GLIS3: variants seen among roughly 807,000 people sequenced by gnomAD.
GLIS3 encodes the protein zinc finger protein GLIS3.
A neutral mutation model predicts 78.6 loss-of-function variants in GLIS3; 53 were observed. The observed-to-expected ratio is 0.67, with a 90% confidence interval of 0.54 to 0.85. The LOEUF (loss-of-function observed/expected upper bound fraction) is 0.85. GLIS3 is among the 40% of genes least tolerant of loss of function. The probability of loss-of-function intolerance (pLI) is 0.00; values close to 1 mark genes in which losing one functional copy is unlikely to be tolerated. For synonymous variants in GLIS3, 684 were observed against 509.9 expected, an observed-to-expected ratio of 1.34 and a Z score of -4.60; for missense variants, 1,703 against 1,231.1, an observed-to-expected ratio of 1.38 and a Z score of -5.74.
intron 4 of GLIS3, among the ~76,000 whole-genome samples, chr9:3,971,982 T>C (rs1326961844): frequency 1.3e-5 from 2 of 152,142 alleles, no homozygotes; most frequent in Non-Finnish European, 2.9e-5. Flanking sequence ...AAGATCCCGC[T>C]ATTTGTGGTC....
intron 2 of GLIS3, among the ~76,000 whole-genome samples, chr9:4,265,172 A>AG (rs367814591): frequency 6.6e-5 from 5 of 75,764 alleles, no homozygotes; most frequent in Non-Finnish European, 2.9e-5. Flanking sequence ...ACGCCGTCTC[A>AG]AAAAAAAAAA....
At chr9:4,459,542 T>C in the GLIS3 span, among the ~76,000 whole-genome samples, 1 of 152,144 alleles carries the variant, frequency 6.6e-6, no homozygotes, top group African/African-American at 2.4e-5. Flanking sequence ...GATGGGAGGA[T>C]CACTTAAGCC....
chr9:4,180,479 T>C (rs549554144), intron 2 of GLIS3, among the ~76,000 whole-genome samples: 2 of 152,280 alleles, frequency 1.3e-5, no homozygotes, highest in South Asian at 2.1e-4. Flanking sequence ...TACGGCTATT[T>C]TGGGATTAAA....
At chr9:4,159,957 A>G (rs1003685401) in intron 2 of GLIS3, among the ~76,000 whole-genome samples, 3 of 152,186 alleles carry the variant, frequency 2.0e-5, no homozygotes, top group African/African-American at 7.2e-5. Flanking sequence ...GTAAGAGACA[A>G]CCAAGAATGA....
chr9:4,287,021 G>T (rs6476834), intron 1 of GLIS3, among the ~76,000 whole-genome samples: 140,560 of 152,248 alleles, frequency 0.92, 65,490 homozygotes, highest in Non-Finnish European at 0.98. Flanking sequence ...GAGCTATCTT[G>T]TCACAGTCCC....
intron 2 of GLIS3, among the ~76,000 whole-genome samples, chr9:4,243,996 C>T (rs953160984): frequency 6.6e-6 from 1 of 152,172 alleles, no homozygotes; most frequent in African/African-American, 2.4e-5. Flanking sequence ...CTGGCCATTC[C>T]CTGCCTTCTC....
chr9:3,884,616 G>A (rs922208900), intron 7 of GLIS3, among the ~76,000 whole-genome samples: 1 of 152,106 alleles, frequency 6.6e-6, no homozygotes, highest in African/African-American at 2.4e-5. Flanking sequence ...TCTTCTTGCT[G>A]CCCCTTGATA....
the GLIS3 span, among the ~76,000 whole-genome samples, chr9:4,364,756 C>CTTTTTTTTTTTTTTTTTTTTT: frequency 1.1e-4 from 7 of 61,080 alleles, 1 homozygote; most frequent in East Asian, 1.2e-3. Flanking sequence ...TCATGTATTG[C>CTTTTTTTTTTTTTTTTTTTTT]TTTTTTTTTT....
chr9:4,200,499 C>A (rs533285355), intron 2 of GLIS3, among the ~76,000 whole-genome samples: 1 of 152,174 alleles, frequency 6.6e-6, no homozygotes, highest in Admixed American at 6.5e-5. Flanking sequence ...CAAAGAAACA[C>A]AAAGGATCTT....
chr9:4,134,911 C>T (rs1833284043), intron 2 of GLIS3, among the ~76,000 whole-genome samples: 1 of 152,134 alleles, frequency 6.6e-6, no homozygotes, highest in Non-Finnish European at 1.5e-5. Context: ...GAAGGCTTGT[C>T]CTGAAAGAGC....
In GLIS3 at chr9:4,320,664, C is replaced by G. The variant is rs527729610; in HGVS notation, n.265-10136G>C. 6.6e-5 allele frequency among the ~76,000 whole-genome samples: 10 copies of G among 152,168 alleles called. No homozygotes were observed. In the South Asian group the frequency reaches 2.1e-3, roughly 32 times the overall value. ...TCATTACTGTTGCCACCATCACTACCTCCATCATCACCACCGCCATCACCA... is the reference window on the plus strand; with the variant it reads ...TCATTACTGTTGCCACCATCACTACGTCCATCATCACCACCGCCATCACCA... On this transcript the variant is annotated intron_variant and non_coding_transcript_variant, in intron 2 of 4. Coordinates refer to the GLIS3 transcript ENST00000471664.
intron 2 of GLIS3, among the ~76,000 whole-genome samples, chr9:4,218,612 G>A (rs1042921445): frequency 2.0e-5 from 3 of 152,136 alleles, no homozygotes; most frequent in African/African-American, 7.2e-5. Context: ...TGTTCTATAT[G>A]TTACTGTCCA....
At chr9:4,050,368 G>A (rs536515668) in intron 4 of GLIS3, among the ~76,000 whole-genome samples, 7 of 152,092 alleles carry the variant, frequency 4.6e-5, no homozygotes, top group African/African-American at 7.2e-5. Context: ...AACACCGCAT[G>A]TTCTCACTCA....
chr9:4,384,762 G>C, the GLIS3 span, among the ~76,000 whole-genome samples: 1 of 151,812 alleles, frequency 6.6e-6, no homozygotes, highest in Non-Finnish European at 1.5e-5. Flanking sequence ...CCAGAGTCAC[G>C]TGTCTTCCTC....
chr9:3,902,555 T>C (rs539788292), intron 6 of GLIS3, among the ~76,000 whole-genome samples: 1 of 152,286 alleles, frequency 6.6e-6, no homozygotes, highest in East Asian at 1.9e-4. Context: ...TAGAGGGAAA[T>C]TTTTCAGTGA....
chr9:4,356,441 G>C, the GLIS3 span, among the ~76,000 whole-genome samples: 2 of 152,214 alleles, frequency 1.3e-5, no homozygotes, highest in African/African-American at 2.4e-5. Context: ...AGTTGTATCT[G>C]CCACCAGAGA....
chr9:4,182,255 T>A (rs1016950390), intron 2 of GLIS3, among the ~76,000 whole-genome samples: 11 of 152,134 alleles, frequency 7.2e-5, no homozygotes, highest in South Asian at 2.1e-4. Flanking sequence ...GTGTAAAAAA[T>A]TTTTTTGGAA....
At chr9:4,437,450 A>ATCTATCTG in the GLIS3 span, among the ~76,000 whole-genome samples, 5 of 149,776 alleles carry the variant, frequency 3.3e-5, no homozygotes, top group Non-Finnish European at 7.4e-5. Flanking sequence ...CTATCTATCT[A>ATCTATCTG]TCTATCTATC....
intron 6 of GLIS3, among the ~76,000 whole-genome samples, chr9:3,927,476 A>C (rs1022186076): frequency 6.6e-6 from 1 of 152,240 alleles, no homozygotes; most frequent in Non-Finnish European, 1.5e-5. Context: ...AAAACTTTTT[A>C]AAAGAAATAT....
Sources: allele counts gnomAD v4.1 joint callset (sites outside exome capture counted in the v4.1 genomes callset), GRCh38; gene constraint gnomAD v4.1.1; transcripts MANE v1.5; gene names NCBI Gene and HGNC (gene_info 2026-07-23, HGNC 2026-07-21).